The following SMAD1 variants were observed in gnomAD, a reference collection of about 807,000 sequenced individuals.
SMAD1 encodes SMAD family member 1.
A neutral mutation model predicts 41.6 loss-of-function variants in SMAD1; 6 were observed. That is an observed-to-expected ratio of 0.14 (90% CI 0.08 to 0.28). The LOEUF is 0.28. SMAD1 is among the 10% of genes least tolerant of loss of function. SMAD1 has a pLI of 1.00. For synonymous variants in SMAD1, 206 were observed against 203.2 expected (o/e 1.01, Z -0.12); for missense variants, 379 against 582.6 (o/e 0.65, Z 3.60).
intron 1 of SMAD1, among the ~76,000 whole-genome samples, chr4:145,490,473 A>C (rs1306224741): frequency 6.6e-6 from 1 of 152,136 alleles, no homozygotes; most frequent in African/African-American, 2.4e-5. Flanking sequence ...AATTGGGGGG[A>C]AACCTGGGGT....
chr4:145,522,124 G>A (rs1015462674), intron 2 of SMAD1, among the ~76,000 whole-genome samples: 4 of 150,964 alleles, frequency 2.6e-5, no homozygotes, highest in Non-Finnish European at 4.4e-5. Context: ...GTGAAACCCC[G>A]TCTCTGCTAA....
intron 1 of SMAD1, among the ~76,000 whole-genome samples, chr4:145,501,462 T>A (rs1264570784): frequency 6.6e-6 from 1 of 152,210 alleles, no homozygotes; most frequent in South Asian, 2.1e-4. Context: ...GATTAAATTA[T>A]GCAATTAAGA....
At chr4:145,483,402 A>G (rs571358804) in intron 1 of SMAD1, among the ~76,000 whole-genome samples, 3 of 152,348 alleles carry the variant, frequency 2.0e-5, no homozygotes, top group South Asian at 4.1e-4. Flanking sequence ...CAGTAACACA[A>G]TGAGAAAACT....
intron 1 of SMAD1, among the ~76,000 whole-genome samples, chr4:145,504,181 G>C (rs536781538): frequency 6.6e-4 from 100 of 152,234 alleles, no homozygotes; most frequent in African/African-American, 2.3e-3. Context: ...GTTTCACTTA[G>C]AGCCACAGTT....
intron 1 of SMAD1, chr4:145,497,434 C>T (rs1729150958): frequency 6.6e-6 from 1 of 152,202 alleles, no homozygotes; most frequent in Non-Finnish European, 1.5e-5. Context: ...CCATCTCTCC[C>T]ATACACACTT....
At chr4:145,503,200 A>G (rs915933074) in intron 1 of SMAD1, among the ~76,000 whole-genome samples, 13 of 152,160 alleles carry the variant, frequency 8.5e-5, no homozygotes, top group African/African-American at 3.1e-4. Context: ...GAATAGTAAG[A>G]GGCTCAGTAA....
intron 1 of SMAD1, among the ~76,000 whole-genome samples, chr4:145,498,567 C>T (rs1729229902): frequency 1.3e-5 from 2 of 152,162 alleles, no homozygotes; most frequent in African/African-American, 2.4e-5. Flanking sequence ...GTAGTTGGCT[C>T]TCCTGCACTC....
chr4:145,533,624 A>G (rs1731443335), intron 2 of SMAD1, among the ~76,000 whole-genome samples: 1 of 151,998 alleles, frequency 6.6e-6, no homozygotes, highest in South Asian at 2.1e-4. Flanking sequence ...TTTGAGGCTG[A>G]ATTGCTCTGT....
At chr4:145,531,173 G>A (rs1389606523) in intron 2 of SMAD1, among the ~76,000 whole-genome samples, 1 of 152,232 alleles carries the variant, frequency 6.6e-6, no homozygotes, top group African/African-American at 2.4e-5. Flanking sequence ...CTCTATTGAG[G>A]TTCCAAGAAT....
intron 2 of SMAD1, among the ~76,000 whole-genome samples, chr4:145,538,535 A>G (rs1288318629): frequency 6.6e-6 from 1 of 152,180 alleles, no homozygotes; most frequent in African/African-American, 2.4e-5. Context: ...TCAGCTCATA[A>G]AAAAGTGATA....
chr4:145,519,713 A>G (rs941668334), intron 2 of SMAD1, among the ~76,000 whole-genome samples: 2 of 151,846 alleles, frequency 1.3e-5, no homozygotes, highest in Non-Finnish European at 2.9e-5. Flanking sequence ...TATTAACTAT[A>G]GTCACCATGC....
intron 2 of SMAD1, among the ~76,000 whole-genome samples, chr4:145,525,004 G>A (rs539812683): frequency 1.0e-3 from 152 of 152,302 alleles, no homozygotes; most frequent in Middle Eastern, 6.8e-3. Context: ...GGAGGTTTGA[G>A]TAAGTTTTAT....
chr4:145,497,015 A>T (rs17020235), intron 1 of SMAD1: 4 of 152,132 alleles, frequency 2.6e-5, no homozygotes, highest in African/African-American at 9.7e-5. Flanking sequence ...GTTAACCGTC[A>T]TCCATTTACA....
Position 145,553,815 on chromosome 4 carries a change from G to A in SMAD1, c.1029G>A (p.Val343=), listed in dbSNP as rs1732688613. The A allele has an allele frequency of 3.7e-6, 6 of 1,613,638 alleles. No individual in the cohort carries two copies. Among genetic ancestry groups the A allele is most frequent in the African/African-American group, 1.3e-5 (1 of 75,050 alleles). The change falls in exon 6 of 7, where the codon GTG becomes GTA. Residue 343 remains valine, a synonymous_variant. Coordinates refer to ENST00000302085, the MANE Select transcript of SMAD1 (RefSeq NM_005900.3). ...GVHLYYVGGE[V]YAECLSDSSI... ...ATCTTTATTATGTTGGAGGGGAGGT[G>A]TATGCCGAATGCCTTAGTGACAGTA... is the stretch of plus-strand genomic sequence containing the variant.
At chr4:145,494,197 G>T (rs1488748907) in intron 1 of SMAD1, among the ~76,000 whole-genome samples, 4 of 152,082 alleles carry the variant, frequency 2.6e-5, no homozygotes, top group African/African-American at 7.2e-5. Context: ...CCTGACCTTG[G>T]GACCCACCTG....
At chr4:145,508,827 C>T (rs1030824346) in intron 1 of SMAD1, among the ~76,000 whole-genome samples, 1 of 152,090 alleles carries the variant, frequency 6.6e-6, no homozygotes, top group African/African-American at 2.4e-5. Flanking sequence ...TCTCTGTAAC[C>T]TCATATGGTG....
intron 2 of SMAD1, among the ~76,000 whole-genome samples, chr4:145,519,552 G>A (rs1324288520): frequency 1.3e-5 from 2 of 149,802 alleles, no homozygotes; most frequent in African/African-American, 2.5e-5. Flanking sequence ...CTATTCAGAA[G>A]CTAAATCAGG....
At chr4:145,529,881 T>G (rs1731228288) in intron 2 of SMAD1, among the ~76,000 whole-genome samples, 1 of 152,192 alleles carries the variant, frequency 6.6e-6, no homozygotes, top group South Asian at 2.1e-4. Context: ...TGCTGAAGGT[T>G]TTGACTTGTT....
intron 2 of SMAD1, among the ~76,000 whole-genome samples, chr4:145,537,252 A>G (rs1221689789): frequency 6.6e-6 from 1 of 152,180 alleles, no homozygotes; most frequent in Non-Finnish European, 1.5e-5. Flanking sequence ...ACAAATGTGT[A>G]TATGTAAGTT....
Sources: gnomAD v4.1 joint callset for allele counts (sites outside exome capture counted in the v4.1 genomes callset) on GRCh38, gnomAD v4.1.1 for gene constraint, MANE v1.5 for transcripts, NCBI Gene and HGNC (gene_info 2026-07-23, HGNC 2026-07-21) for gene names.